Variants in FRZB observed in about 807,000 individuals in gnomAD.
The protein encoded by FRZB is frizzled related protein.
In FRZB, 34 loss-of-function variants were observed where a neutral mutation model predicts 32.5. The observed-to-expected ratio is 1.05, with a 90% CI of 0.80 to 1.39. The LOEUF (loss-of-function observed/expected upper bound fraction) is 1.39. Ranked by LOEUF, FRZB falls within the 40% of genes most tolerant of loss-of-function variation. FRZB has a pLI of 0.00. For missense variants in FRZB, 423 were observed against 424.8 expected, an observed-to-expected ratio of 1.00 and a Z score of 0.04; for synonymous variants, 170 against 159.2, an observed-to-expected ratio of 1.07 and a Z score of -0.51.
intron 2 of FRZB, among the ~76,000 whole-genome samples, chr2:182,843,914 G>C (rs935567408): frequency 6.6e-6 from 1 of 151,190 alleles, no homozygotes; most frequent in Non-Finnish European, 1.5e-5. Flanking sequence ...CTGGGTGATA[G>C]AGTAAGACCC....
intron 5 of FRZB, among the ~76,000 whole-genome samples, chr2:182,835,788 C>T (rs1463062054): frequency 6.6e-6 from 1 of 152,022 alleles, no homozygotes; most frequent in East Asian, 1.9e-4. Flanking sequence ...TACTAACAAG[C>T]TCCCAGGTGA....
In FRZB at chr2:182,866,244, C is replaced by T. The variant is rs1695889651; in HGVS notation, c.309G>A (p.Glu103=). Residue 103 remains glutamate (E), a synonymous_variant, in exon 1 of 6, where the codon GAG becomes GAA. Coordinates refer to ENST00000295113, the MANE Select transcript of FRZB (RefSeq NM_001463.4). The surrounding 1 kb of genome is among the most constrained non-coding windows in gnomAD (Gnocchi z 4.5). ...ACACAGACTTACAGGGCTTGATGGGCTCGTGCTGGAAGTCAATGGTGCAGA... is the reference window on the plus strand; with the variant it reads ...ACACAGACTTACAGGGCTTGATGGGTTCGTGCTGGAAGTCAATGGTGCAGA... ...APICTIDFQH[E]PIKPCKSVCE... 1 of 1,614,182 alleles carries T rather than the reference C, an allele frequency of 6.2e-7. No individual in the cohort carries two copies. The highest frequency in any genetic ancestry group is 8.5e-7 in the Non-Finnish European group (1 of 1,180,046).
At chr2:182,863,732 G>A (rs1439162761) in intron 1 of FRZB, among the ~76,000 whole-genome samples, 1 of 152,246 alleles carries the variant, frequency 6.6e-6, no homozygotes, top group African/African-American at 2.4e-5. Context: ...GAACCAAAGA[G>A]TATATTGGAT....
At chr2:182,864,893 G>C (rs73042121) in intron 1 of FRZB, among the ~76,000 whole-genome samples, 14,550 of 152,104 alleles carry the variant, frequency 0.096, 1,403 homozygotes, top group African/African-American at 0.25. Context: ...GATGTGGTAT[G>C]AAAGAGGACC....
At chr2:182,843,795 G>C (rs930393744) in intron 2 of FRZB, among the ~76,000 whole-genome samples, 3 of 152,114 alleles carry the variant, frequency 2.0e-5, no homozygotes, top group Admixed American at 6.6e-5. Context: ...AGCTGGTGTG[G>C]TGGCGTGTGC....
At chr2:182,845,887 C>A (rs1194470379) in intron 2 of FRZB, among the ~76,000 whole-genome samples, 6 of 152,182 alleles carry the variant, frequency 3.9e-5, no homozygotes, top group Non-Finnish European at 8.8e-5. Flanking sequence ...TTCATAGAAA[C>A]ATGAGTTTAT....
chr2:182,853,477 A>G (rs1249210673), intron 2 of FRZB, among the ~76,000 whole-genome samples: 1 of 152,232 alleles, frequency 6.6e-6, no homozygotes, highest in African/African-American at 2.4e-5. Context: ...TGACCCTTCA[A>G]ATAGCAACAT....
chr2:182,865,426 A>G (rs1315273348), intron 1 of FRZB, among the ~76,000 whole-genome samples: 1 of 152,224 alleles, frequency 6.6e-6, no homozygotes, highest in East Asian at 1.9e-4. Flanking sequence ...CAATTGTTTC[A>G]TTCTGGAATG....
At chr2:182,851,028 GTC>G (rs1695704663) in intron 2 of FRZB, among the ~76,000 whole-genome samples, 1 of 152,170 alleles carries the variant, frequency 6.6e-6, no homozygotes, top group African/African-American at 2.4e-5. Flanking sequence ...TTTGAGAAAT[GTC>G]TGCTCAGATC....
At chr2:182,854,611 A>T (rs1695748134) in intron 2 of FRZB, among the ~76,000 whole-genome samples, 1 of 152,180 alleles carries the variant, frequency 6.6e-6, no homozygotes, top group African/African-American at 2.4e-5. Flanking sequence ...GCATCCTGGG[A>T]CTGTGGTAAC....
intron 2 of FRZB, among the ~76,000 whole-genome samples, chr2:182,857,386 C>T (rs1055970463): frequency 1.3e-5 from 2 of 151,990 alleles, no homozygotes; most frequent in African/African-American, 4.8e-5. Flanking sequence ...TCTGTAAGGC[C>T]AAGGTGGGTG....
intron 2 of FRZB, among the ~76,000 whole-genome samples, chr2:182,856,260 C>T (rs1364467475): frequency 6.6e-6 from 1 of 151,854 alleles, no homozygotes; most frequent in African/African-American, 2.4e-5. Context: ...TGTAAAAATA[C>T]AGTAGGCTAC....
chr2:182,835,755 G>A (rs1198263550), intron 5 of FRZB, among the ~76,000 whole-genome samples: 3 of 152,026 alleles, frequency 2.0e-5, no homozygotes, highest in Admixed American at 6.6e-5. Context: ...TAGCAGGTCT[G>A]AGACAGGGCC....
intron 2 of FRZB, among the ~76,000 whole-genome samples, chr2:182,848,031 T>C (rs1327957509): frequency 6.8e-6 from 1 of 146,728 alleles, no homozygotes; most frequent in African/African-American, 2.5e-5. Flanking sequence ...GCTTAGCAGA[T>C]AGTAAGCAGT....
At chr2:182,840,266 C>T (rs1202351186) in intron 3 of FRZB, among the ~76,000 whole-genome samples, 1 of 152,158 alleles carries the variant, frequency 6.6e-6, no homozygotes, top group Non-Finnish European at 1.5e-5. Flanking sequence ...ATTCACAACC[C>T]CAGCTAGCAG....
chr2:182,838,022 G>T lies in FRZB; in HGVS notation c.798-11C>A. 6.2e-7 allele frequency: 1 copy of T among 1,606,532 alleles called. No homozygotes were observed. The highest frequency in any genetic ancestry group is 8.5e-7 in the Non-Finnish European group (1 of 1,175,724). On this transcript the variant is annotated splice_polypyrimidine_tract_variant and intron_variant, in intron 4 of 5. Transcript: ENST00000295113. ...TCCACCAAGAGTAATCTGTATTTTT[G>T]AAAGAAGCAAACATTTTTGAAAAAT... is the stretch of plus-strand genomic sequence containing the variant.
chr2:182,855,919 C>A (rs1270270707), intron 2 of FRZB, among the ~76,000 whole-genome samples: 1 of 151,986 alleles, frequency 6.6e-6, no homozygotes, highest in Non-Finnish European at 1.5e-5. Context: ...GTATTACTTA[C>A]AGGGAAACAA....
At position 182,866,235 on chromosome 2, in the gene FRZB, C is replaced by T. The variant is rs1434032879; in HGVS notation, c.318G>A (p.Lys106=). The T allele has an allele frequency of 6.2e-7, 1 of 1,614,204 alleles. No individual in the cohort carries two copies. Among genetic ancestry groups the T allele is most frequent in the South Asian group, 1.1e-5 (1 of 91,084 alleles). The change falls in exon 1 of 6, where the codon AAG becomes AAA. Residue 106 remains lysine, a synonymous_variant. Coordinates refer to ENST00000295113, the MANE Select transcript of FRZB (RefSeq NM_001463.4). This position sits in a 1 kb window ranked among gnomAD's most constrained non-coding sequence, Gnocchi z 4.5. ...CTIDFQHEPI[K]PCKSVCERAR... is the part of the protein sequence containing the mutation. ...CCCGCTCGCACACAGACTTACAGGG[C>T]TTGATGGGCTCGTGCTGGAAGTCAA...
intron 2 of FRZB, among the ~76,000 whole-genome samples, chr2:182,850,982 T>G (rs379706): frequency 0.011 from 1,741 of 152,278 alleles, 42 homozygotes; most frequent in African/African-American, 0.039. Context: ...TGTTGAAAAT[T>G]TTTTCATATA....
Sources: allele counts gnomAD v4.1 joint callset (sites outside exome capture counted in the v4.1 genomes callset), GRCh38; gene constraint gnomAD v4.1.1; non-coding constraint Gnocchi (gnomAD v3.1); transcripts MANE v1.5; gene names NCBI Gene and HGNC (gene_info 2026-07-23, HGNC 2026-07-21).